LAPTM4B: variants seen among roughly 807,000 people sequenced by gnomAD.
LAPTM4B encodes the protein lysosomal protein transmembrane 4 beta, also known as lysosomal-associated transmembrane protein 4B.
LAPTM4B carries 26 observed loss-of-function variants against 28.5 expected under a neutral mutation model. The observed-to-expected ratio is 0.91, with a 90% CI of 0.67 to 1.27. The LOEUF is 1.27. Ranked by LOEUF, LAPTM4B falls within the 50% of genes most tolerant of loss-of-function variation. The probability of loss-of-function intolerance (pLI) is 0.00; values close to 1 mark genes in which losing one functional copy is unlikely to be tolerated. For missense variants in LAPTM4B, 288 were observed against 285.8 expected, an observed-to-expected ratio of 1.01 and a Z score of -0.06; for synonymous variants, 109 against 106.4, an observed-to-expected ratio of 1.02 and a Z score of -0.15.
chr8:97,843,128 G>A (rs538629190), intron 6 of LAPTM4B, among the ~76,000 whole-genome samples: 9 of 151,908 alleles, frequency 5.9e-5, no homozygotes, highest in Non-Finnish European at 1.0e-4. Flanking sequence ...CAATTCTCCC[G>A]GCTCTGCCTC....
chr8:97,838,119 G>A (rs530889797), intron 6 of LAPTM4B, among the ~76,000 whole-genome samples: 3 of 152,220 alleles, frequency 2.0e-5, no homozygotes, highest in Non-Finnish European at 4.4e-5. Context: ...GAGCCAGGCA[G>A]ATGGGAGAGC....
intron 2 of LAPTM4B, among the ~76,000 whole-genome samples, chr8:97,807,868 A>T (rs1431123615): frequency 2.8e-5 from 4 of 143,502 alleles, no homozygotes; most frequent in Non-Finnish European, 3.0e-5. Context: ...GGGGCATTAA[A>T]GTTACTGCAG....
Position 97,851,930 on chromosome 8 carries a change from A to C in LAPTM4B, c.*456A>C, listed in dbSNP as rs1392459185. On this transcript the variant is annotated 3_prime_UTR_variant, in exon 7 of 7. Transcript: ENST00000521545. Reference sequence around the variant, plus strand: ...ATGTCAATTGTGTAATCATTGTTCTAATTAGGTAAATAGAAGTCCTTATGT... The same window carrying C: ...ATGTCAATTGTGTAATCATTGTTCTCATTAGGTAAATAGAAGTCCTTATGT... The C allele has an allele frequency of 6.2e-6, 1 of 160,628 alleles. No homozygotes were observed. Among genetic ancestry groups the C allele is most frequent in the African/African-American group, 2.4e-5 (1 of 41,590 alleles). The allele number at this position is 160,628 out of a possible 1,614,324, so 10.0% of individuals were successfully genotyped here.
intron 6 of LAPTM4B, among the ~76,000 whole-genome samples, chr8:97,837,830 A>G (rs1190333466): frequency 6.6e-6 from 1 of 152,202 alleles, no homozygotes; most frequent in Non-Finnish European, 1.5e-5. Context: ...GCCTGTCATT[A>G]TTGGCTTTCA....
intron 1 of LAPTM4B, among the ~76,000 whole-genome samples, chr8:97,802,171 G>A (rs893037996): frequency 6.7e-6 from 1 of 150,342 alleles, no homozygotes; most frequent in Non-Finnish European, 1.5e-5. Flanking sequence ...AGTCCATAGA[G>A]TAAAGTGAGT....
Position 97,776,097 on chromosome 8 carries a change from G to C in LAPTM4B, c.88G>C (p.Val30Leu). 1.3e-6 allele frequency: 2 copies of C among 1,581,070 alleles called. No individual in the cohort carries two copies. The highest frequency in any genetic ancestry group is 1.7e-6 in the Non-Finnish European group (2 of 1,170,296). Residue 30 changes from valine (V) to leucine (L), a missense_variant, in exon 1 of 7, where the codon GTC (valine) becomes CTC (leucine). Physicochemically the swap from Val to Leu is conservative, Grantham distance 32 (BLOSUM62 1). Transcript: ENST00000521545. Reference sequence around the variant, plus strand: ...CCGCACCGGCACCATCCTGCTCGGCGTCTGGTATCTGGTGAGCGCGGCGCG... The same window carrying C: ...CCGCACCGGCACCATCCTGCTCGGCCTCTGGTATCTGGTGAGCGCGGCGCG... ...HVRTGTILLG[V>L]WYLIINAVVL...
At chr8:97,789,337 G>A (rs1015975625) in intron 1 of LAPTM4B, among the ~76,000 whole-genome samples, 13 of 150,398 alleles carry the variant, frequency 8.6e-5, no homozygotes, top group African/African-American at 2.9e-4. Flanking sequence ...GCCTCCCAAA[G>A]TGCTGGGATT....
chr8:97,820,207 A>G (rs1816982638), intron 5 of LAPTM4B, among the ~76,000 whole-genome samples: 2 of 151,988 alleles, frequency 1.3e-5, no homozygotes. Context: ...TAAAACCATC[A>G]TTATAACTTG....
chr8:97,805,538 A>G lies in LAPTM4B; in HGVS notation c.211+74A>G, dbSNP rs16896225. The G allele has an allele frequency of 8.1e-3, 6,711 of 828,692 alleles. 293 individuals carry two copies. The African/African-American group carries it at 0.1, about 12-fold the overall frequency. The allele number at this position is 828,692 out of a possible 1,614,324, so 51.3% of individuals were successfully genotyped here. ...CAGCACTTCCTATTAAATTACAAAT[A>G]TAGACTCGTGAGTTCATTTGAGCTG... On this transcript the variant is annotated intron_variant, in intron 2 of 6. Coordinates refer to ENST00000521545, the MANE Select transcript of LAPTM4B (RefSeq NM_018407.6).
intron 6 of LAPTM4B, among the ~76,000 whole-genome samples, chr8:97,835,336 G>T (rs1187156296): frequency 1.3e-5 from 2 of 152,170 alleles, no homozygotes; most frequent in Non-Finnish European, 2.9e-5. Context: ...ATCCAGATGT[G>T]CTCTTTCCCA....
At chr8:97,800,240 A>G (rs1006012848) in intron 1 of LAPTM4B, among the ~76,000 whole-genome samples, 5 of 152,184 alleles carry the variant, frequency 3.3e-5, no homozygotes, top group Admixed American at 6.6e-5. Flanking sequence ...ACAGGTCCCT[A>G]GGGACTGAGA....
At chr8:97,796,152 G>A (rs947516723) in intron 1 of LAPTM4B, among the ~76,000 whole-genome samples, 16 of 152,246 alleles carry the variant, frequency 1.1e-4, no homozygotes, top group Non-Finnish European at 1.3e-4. Flanking sequence ...TGTTGGCCAG[G>A]CTGGTCTCCG....
intron 1 of LAPTM4B, among the ~76,000 whole-genome samples, chr8:97,792,231 GAGTTTTTCTTA>G (rs914133851): frequency 2.6e-5 from 4 of 152,034 alleles, no homozygotes; most frequent in Non-Finnish European, 5.9e-5. Flanking sequence ...GTGTGCTGTA[GAGTTTTTCTTA>G]ACAGTTGGTT....
At chr8:97,792,614 CTG>C (rs1816519006) in intron 1 of LAPTM4B, among the ~76,000 whole-genome samples, 1 of 151,778 alleles carries the variant, frequency 6.6e-6, no homozygotes, top group African/African-American at 2.4e-5. Flanking sequence ...AAATCTCTCT[CTG>C]TAGCGCAGGC....
chr8:97,805,326 T>C (rs1368959901), intron 1 of LAPTM4B, 27 bp from the exon 2 acceptor site: 5 of 1,051,986 alleles, frequency 4.8e-6, no homozygotes, highest in Admixed American at 2.5e-5. Context: ...CTTAAATTCT[T>C]TTTTTTTTTT....
Position 97,783,878 on chromosome 8 carries a change from C to T in LAPTM4B, c.99+7770C>T, listed in dbSNP as rs189695696. ...CTTATTTCTGTGACTCCCACGTATG[C>T]GTGTGCACGTAATACATTTGTATGC... On this transcript the variant is annotated intron_variant, in intron 1 of 6. Coordinates refer to ENST00000521545, the MANE Select transcript of LAPTM4B (RefSeq NM_018407.6). 3.3e-5 allele frequency among the ~76,000 whole-genome samples: 5 copies of T among 152,282 alleles called. No homozygotes were observed. In the South Asian group the frequency reaches 6.2e-4, roughly 19 times the overall value.
At chr8:97,846,413 C>T (rs569705054) in intron 6 of LAPTM4B, among the ~76,000 whole-genome samples, 21 of 151,900 alleles carry the variant, frequency 1.4e-4, no homozygotes, top group African/African-American at 4.6e-4. Flanking sequence ...CCACAGCCAC[C>T]GCCTCCCGGG....
intron 6 of LAPTM4B, 113 bp from the exon 7 acceptor site, chr8:97,851,284 T>G: frequency 1.2e-6 from 1 of 854,588 alleles, no homozygotes; most frequent in Non-Finnish European, 2.0e-6. Flanking sequence ...AAAATTGAAC[T>G]TGGTACAAGT....
intron 5 of LAPTM4B, among the ~76,000 whole-genome samples, chr8:97,823,316 C>T (rs992451253): frequency 1.3e-5 from 2 of 151,058 alleles, no homozygotes; most frequent in African/African-American, 2.4e-5. Flanking sequence ...CTGGGCATTC[C>T]ATGCGAATAC....
Sources: allele counts gnomAD v4.1 joint callset (sites outside exome capture counted in the v4.1 genomes callset), GRCh38; gene constraint gnomAD v4.1.1; transcripts MANE v1.5; gene names NCBI Gene and HGNC (gene_info 2026-07-23, HGNC 2026-07-21).